The following MYH11 variants were observed in gnomAD, a reference collection of about 807,000 sequenced individuals.
MYH11 encodes myosin heavy chain 11.
Under a neutral mutation model 246.6 loss-of-function variants are expected in MYH11, and 80 were observed. The ratio of observed to expected loss-of-function variants is 0.32; its 90% CI spans 0.27 to 0.39. The LOEUF is 0.39. Ranked by LOEUF, MYH11 falls within the 10% of genes least tolerant of loss-of-function variation. The pLI, the probability that MYH11 is intolerant of heterozygous loss-of-function variation, is 1.00. For synonymous variants in MYH11, 1,071 were observed against 1,015.5 expected (o/e 1.05, Z -1.04); for missense variants, 2,158 against 2,546.8 (o/e 0.85, Z 3.29).
chr16:15,842,586 A>C (rs555310803), intron 1 of MYH11, among the ~76,000 whole-genome samples: 21 of 151,314 alleles, frequency 1.4e-4, no homozygotes, highest in African/African-American at 4.4e-4. Context: ...ACGTGGCGAA[A>C]CCTGATCTCT....
chr16:15,786,555 T>C (rs773327137), intron 5 of MYH11, 75 bp downstream of exon 5: 1 of 1,345,144 alleles, frequency 7.4e-7, no homozygotes, highest in Non-Finnish European at 1.1e-6. Context: ...TGATGTTCTG[T>C]TTGTATCTCG....
At chr16:15,808,772 A>G (rs1321069776) in intron 3 of MYH11, among the ~76,000 whole-genome samples, 2 of 152,176 alleles carry the variant, frequency 1.3e-5, no homozygotes, top group African/African-American at 4.8e-5. Context: ...GTGTGCCTGT[A>G]GCCCCAGCTA....
intron 11 of MYH11, among the ~76,000 whole-genome samples, chr16:15,759,953 C>G (rs1461684992): frequency 6.6e-6 from 1 of 152,092 alleles, no homozygotes; most frequent in East Asian, 1.9e-4. Flanking sequence ...AAAAATTAGC[C>G]AGGCGTTGTG....
rs34909724 is a variant in MYH11 at position 15,725,148 on chromosome 16, AAC to A, written c.3859-158_3859-157del. 1.2e-3 allele frequency: 701 copies of A among 607,280 alleles called. 7 individuals carry two copies. The highest frequency in any genetic ancestry group is 2.0e-3 in the South Asian group (103 of 52,770). The allele number at this position is 607,280 out of a possible 1,614,324, so 37.6% of individuals were successfully genotyped here. The stretch of plus-strand genomic sequence containing the variant: ...TGGGACTCTGATAAAAAAAAAAAAA[AAC>A]ACACACACACACAAAAAAAACAGAA... On this transcript the variant is annotated intron_variant, in intron 28 of 40. Transcript: ENST00000300036.
chr16:15,710,476 G>A (rs555904648), intron 40 of MYH11, among the ~76,000 whole-genome samples: 8 of 152,156 alleles, frequency 5.3e-5, no homozygotes, highest in South Asian at 2.1e-4. Flanking sequence ...AGCCGAGATC[G>A]CGCCACTGCA....
intron 2 of MYH11, among the ~76,000 whole-genome samples, chr16:15,825,783 G>C (rs1188551747): frequency 1.3e-5 from 2 of 152,000 alleles, no homozygotes; most frequent in South Asian, 4.2e-4. Flanking sequence ...CTATTGTCAT[G>C]ATTTTTCCTT....
intron 19 of MYH11, among the ~76,000 whole-genome samples, chr16:15,746,187 A>G (rs1041167145): frequency 6.6e-6 from 1 of 151,804 alleles, no homozygotes; most frequent in Non-Finnish European, 1.5e-5. Flanking sequence ...CGGCCTCCCA[A>G]AGTGCCTGGG....
chr16:15,712,121 G>C (rs1226469216), intron 40 of MYH11, among the ~76,000 whole-genome samples: 2 of 152,218 alleles, frequency 1.3e-5, no homozygotes, highest in Non-Finnish European at 2.9e-5. Context: ...CATCATTTTA[G>C]CTGCTGAGCT....
chr16:15,738,477 C>G, intron 24 of MYH11, 88 bp downstream of exon 24: 1 of 1,297,128 alleles, frequency 7.7e-7, no homozygotes, highest in Non-Finnish European at 1.1e-6. Flanking sequence ...CGCACCACTG[C>G]ACTGCAGCCT....
intron 3 of MYH11, among the ~76,000 whole-genome samples, chr16:15,801,372 T>C (rs1299862583): frequency 2.0e-5 from 3 of 151,202 alleles, no homozygotes; most frequent in Non-Finnish European, 4.4e-5. Context: ...GACAGATATA[T>C]AGGTAGGATG....
intron 14 of MYH11, 139 bp downstream of exon 14, chr16:15,756,202 T>C: frequency 1.1e-6 from 1 of 911,796 alleles, no homozygotes; most frequent in East Asian, 2.6e-5. Context: ...CGAATAGGAC[T>C]TGGTTGGGAT....
intron 9 of MYH11, among the ~76,000 whole-genome samples, chr16:15,770,603 T>C (rs1190851322): frequency 6.6e-6 from 1 of 152,100 alleles, no homozygotes; most frequent in Non-Finnish European, 1.5e-5. Flanking sequence ...ACTGCCTCGA[T>C]CACTCCCCCT....
At chr16:15,745,271 T>G (rs772169783) in intron 19 of MYH11, 34 bp from the exon 20 acceptor site, 3 of 1,457,726 alleles carry the variant, frequency 2.1e-6, no homozygotes, top group South Asian at 2.3e-5. Flanking sequence ...GCGGGGGTCA[T>G]GAAGCCACAC....
Position 15,750,688 on chromosome 16 carries a change from A to T in MYH11, c.1865-357T>A, listed in dbSNP as rs554449783. The stretch of plus-strand genomic sequence containing the variant: ...ACCTTCTAGGGCAGGGGTAAAAAAA[A>T]ATAAGGCACAGAAGGCACTTATTCC... On this transcript the variant is annotated intron_variant, in intron 15 of 40. Coordinates refer to ENST00000300036, the MANE Select transcript of MYH11 (RefSeq NM_002474.3). This position sits in a 1 kb window ranked among gnomAD's most constrained non-coding sequence, Gnocchi z 4.3. Among the ~76,000 whole-genome samples, 1 of 152,178 alleles carries T rather than the reference A, an allele frequency of 6.6e-6. No homozygotes were observed. Among genetic ancestry groups the T allele is most frequent in the African/African-American group, 2.4e-5 (1 of 41,510 alleles).
intron 26 of MYH11, chr16:15,733,082 G>A (rs1181098404): frequency 3.2e-6 from 1 of 315,190 alleles, no homozygotes; most frequent in Non-Finnish European, 6.0e-6. Flanking sequence ...CTAATCCTCA[G>A]AGCAACCCAA....
Position 15,824,070 on chromosome 16 carries a change from A to C in MYH11, c.346-659T>G, listed in dbSNP as rs535532876. ...CTATGTGTTGGGCACCGAACTAAGC[A>C]CTACGCAGGATCTTTTTTGGATGCT... On this transcript the variant is annotated intron_variant, in intron 2 of 40. Transcript: ENST00000300036. Among the ~76,000 whole-genome samples the C allele has an allele frequency of 2.0e-5, 3 of 152,294 alleles. No individual in the cohort carries two copies. In the South Asian group the frequency reaches 6.2e-4, roughly 32 times the overall value.
intron 26 of MYH11, among the ~76,000 whole-genome samples, chr16:15,734,387 C>G (rs991083973): frequency 8.5e-5 from 13 of 152,264 alleles, no homozygotes; most frequent in African/African-American, 3.1e-4. Flanking sequence ...CAACCTCTGC[C>G]TCCCAGATTC....
rs756946356 is a variant in MYH11 at position 15,735,587 on chromosome 16, GA to G, written c.3294-10del. The G allele has an allele frequency of 1.7e-5, 27 of 1,613,998 alleles. No individual in the cohort carries two copies. The highest frequency in any genetic ancestry group is 2.2e-5 in the Non-Finnish European group (26 of 1,180,000). The stretch of plus-strand genomic sequence containing the variant: ...CGATTTCATCGTCAAGCCTTCCAGG[GA>G]GAGACCCAGCAGAATGAACCCCCAG... On this transcript the variant is annotated splice_polypyrimidine_tract_variant and intron_variant, in intron 25 of 40. Transcript: ENST00000300036.
At chr16:15,786,417 C>A in intron 5 of MYH11, 1 of 757,748 alleles carries the variant, frequency 1.3e-6, no homozygotes, top group South Asian at 1.4e-5. Flanking sequence ...AAACGGGCCC[C>A]CTTCTGGAGG....
Sources: gnomAD v4.1 joint callset for allele counts (sites outside exome capture counted in the v4.1 genomes callset) on GRCh38, gnomAD v4.1.1 for gene constraint, Gnocchi (gnomAD v3.1) non-coding constraint, MANE v1.5 for transcripts, NCBI Gene and HGNC (gene_info 2026-07-23, HGNC 2026-07-21) for gene names.